STK32C: variants seen among roughly 807,000 people sequenced by gnomAD.
The protein encoded by STK32C is serine/threonine kinase 32C.
STK32C carries 31 observed loss-of-function variants against 56.5 expected under a neutral mutation model. The ratio of observed to expected loss-of-function variants is 0.55; its 90% confidence interval spans 0.41 to 0.74. The LOEUF is 0.74. Ranked by LOEUF, STK32C falls within the 30% of genes least tolerant of loss-of-function variation. The pLI, the probability that STK32C is intolerant of heterozygous loss-of-function variation, is 0.00. For missense variants in STK32C, 544 were observed against 676.9 expected (o/e 0.80, Z 2.18); for synonymous variants, 309 against 289.4 (o/e 1.07, Z -0.69).
intron 2 of STK32C, among the ~76,000 whole-genome samples, chr10:132,234,449 C>T (rs2063206059): frequency 6.6e-6 from 1 of 152,204 alleles, no homozygotes; most frequent in Non-Finnish European, 1.5e-5. Context: ...TTCTGCCTTG[C>T]CCTGCTGCTA....
intron 1 of STK32C, among the ~76,000 whole-genome samples, chr10:132,276,221 C>A (rs540085492): frequency 6.6e-6 from 1 of 152,278 alleles, no homozygotes; most frequent in East Asian, 1.9e-4. Context: ...GCAGAAAAAC[C>A]ATTTTCAAGG....
intron 2 of STK32C, among the ~76,000 whole-genome samples, chr10:132,230,879 G>A (rs1011142296): frequency 6.6e-6 from 1 of 152,182 alleles, no homozygotes; most frequent in Non-Finnish European, 1.5e-5. Context: ...CTCTTACGGG[G>A]GAATCTCTGG....
At chr10:132,313,503 G>C (rs754672188) in intron 1 of STK32C, among the ~76,000 whole-genome samples, 31 of 152,242 alleles carry the variant, frequency 2.0e-4, no homozygotes, top group Non-Finnish European at 4.1e-4. Flanking sequence ...AGGGAGACGG[G>C]AACCCAGTGG....
At chr10:132,213,921 A>T (rs2062390941) in intron 10 of STK32C, among the ~76,000 whole-genome samples, 1 of 152,162 alleles carries the variant, frequency 6.6e-6, no homozygotes, top group African/African-American at 2.4e-5. Context: ...ATGAGGAAGG[A>T]TCTATGAGCT....
intron 1 of STK32C, among the ~76,000 whole-genome samples, chr10:132,247,838 C>T (rs180708616): frequency 3.3e-5 from 5 of 152,164 alleles, no homozygotes; most frequent in Admixed American, 2.6e-4. Flanking sequence ...CAGAGGGGCA[C>T]TGACTGGCAC....
intron 2 of STK32C, among the ~76,000 whole-genome samples, chr10:132,238,385 C>T (rs989673869): frequency 6.6e-6 from 1 of 152,144 alleles, no homozygotes; most frequent in Non-Finnish European, 1.5e-5. Flanking sequence ...GCATGCCACA[C>T]CGTGGGGCCA....
chr10:132,261,242 G>A (rs1312613675), intron 1 of STK32C, among the ~76,000 whole-genome samples: 1 of 152,214 alleles, frequency 6.6e-6, no homozygotes, highest in Non-Finnish European at 1.5e-5. Flanking sequence ...TCTCCCCGGG[G>A]AAGGAATGAG....
At chr10:132,249,133 T>TCAGGGCGTGCAGGGGG (rs1565108352) in intron 1 of STK32C, 9 of 439,280 alleles carry the variant, frequency 2.0e-5, no homozygotes, top group East Asian at 1.4e-4. Flanking sequence ...GGCTGTGGCG[T>TCAGGGCGTGCAGGGGG]CAGGGCGTGC....
exon 2 of STK32C, chr10:132,324,286 C>T: frequency 1.3e-6 from 1 of 779,788 alleles, no homozygotes; most frequent in Non-Finnish European, 2.4e-6. Context: ...TTTTTCATGG[C>T]AGCCTGAAGG....
Position 132,307,337 on chromosome 10 carries a change from G to C in STK32C, c.262+235C>G. 2.7e-6 allele frequency: 1 copy of C among 375,462 alleles called. No homozygotes were observed. The highest frequency in any genetic ancestry group is 4.7e-6 in the Non-Finnish European group (1 of 214,694). The allele number at this position is 375,462 out of a possible 1,614,324, so 23.3% of individuals were successfully genotyped here. A position where few individuals can be genotyped will look rare whatever the true frequency, so the allele number is the denominator to read the frequency against. On this transcript the variant is annotated intron_variant, in intron 1 of 11. Transcript: ENST00000298630. This position sits in a 1 kb window ranked among gnomAD's most constrained non-coding sequence, Gnocchi z 4.4. ...CAGCCGCGGGGGACCCTCGCCCCGA[G>C]GGCCCGGGCCCAGCCTGCTCCTCCT...
rs774171061 is a variant in STK32C at position 132,208,110 on chromosome 10, GC to G, written c.1360del (p.Ala454ProfsTer176). ...CTCCGCAGCATCCCTGGACTCAGGG[GC>G]GGGGAGAGGCTCCCTCGGGAGGTCC... The part of the protein sequence containing the change: ...SQDLPREPLP[A>X]PESRDAAEPV... On this transcript the variant is annotated frameshift_variant, in exon 12 of 12. Transcript: ENST00000298630. LOFTEE classifies it low-confidence loss of function (END_TRUNC). 7.6e-7 allele frequency: 1 copy of G among 1,311,104 alleles called. No individual in the cohort carries two copies. Among genetic ancestry groups the G allele is most frequent in the South Asian group, 3.2e-5 (1 of 31,448 alleles). The allele number at this position is 1,311,104 out of a possible 1,614,324, so 81.2% of individuals were successfully genotyped here.
intron 1 of STK32C, among the ~76,000 whole-genome samples, chr10:132,291,060 A>G (rs1386357605): frequency 6.6e-6 from 1 of 152,186 alleles, no homozygotes; most frequent in Non-Finnish European, 1.5e-5. Flanking sequence ...GTGGGACCTC[A>G]CTGTTTGTAT....
chr10:132,263,177 C>T (rs756359537), intron 1 of STK32C, among the ~76,000 whole-genome samples: 33 of 152,308 alleles, frequency 2.2e-4, no homozygotes, highest in South Asian at 1.9e-3. Context: ...ACAGCAATGA[C>T]GTGAATCAAC....
chr10:132,237,254 T>C (rs10870274), intron 2 of STK32C, among the ~76,000 whole-genome samples: 112,649 of 152,136 alleles, frequency 0.74, 41,833 homozygotes, highest in Admixed American at 0.8. Context: ...TCCACTGGCG[T>C]TTGCTCCTCC....
At chr10:132,277,252 C>G (rs991061955) in intron 1 of STK32C, among the ~76,000 whole-genome samples, 1 of 152,110 alleles carries the variant, frequency 6.6e-6, no homozygotes, top group Non-Finnish European at 1.5e-5. Context: ...GGGCCCTCCA[C>G]GAGAGCCGCT....
At chr10:132,330,847 A>C (rs566742746) in intron 1 of STK32C, among the ~76,000 whole-genome samples, 2 of 151,966 alleles carry the variant, frequency 1.3e-5, no homozygotes, top group Non-Finnish European at 2.9e-5. Context: ...TCACAAAAAT[A>C]AAACGTAAAT....
chr10:132,230,382 A>G (rs1038625395), intron 2 of STK32C, among the ~76,000 whole-genome samples: 1 of 152,170 alleles, frequency 6.6e-6, no homozygotes, highest in Non-Finnish European at 1.5e-5. Flanking sequence ...GAGGCCGAGG[A>G]GTCCCGTGCC....
downstream of STK32C, among the ~76,000 whole-genome samples, chr10:132,321,042 G>T (rs1241520374): frequency 6.6e-6 from 1 of 152,208 alleles, no homozygotes; most frequent in Non-Finnish European, 1.5e-5. Flanking sequence ...TGGCCAATGG[G>T]GTGTCAGGTG....
At chr10:132,229,772 TG>T (rs1414173966) in intron 2 of STK32C, among the ~76,000 whole-genome samples, 4 of 152,226 alleles carry the variant, frequency 2.6e-5, no homozygotes, top group African/African-American at 9.6e-5. Flanking sequence ...AAGGGGCCAC[TG>T]GGAGTCACAC....
Sources: gnomAD v4.1 joint callset for allele counts (sites outside exome capture counted in the v4.1 genomes callset) on GRCh38, gnomAD v4.1.1 for gene constraint, Gnocchi (gnomAD v3.1) non-coding constraint, MANE v1.5 for transcripts, NCBI Gene and HGNC (gene_info 2026-07-23, HGNC 2026-07-21) for gene names.